PARD3B: variants seen among roughly 807,000 people sequenced by gnomAD.
The protein encoded by PARD3B is par-3 family cell polarity regulator beta.
In PARD3B, 103 loss-of-function variants were observed where a neutral mutation model predicts 130.2. That is an observed-to-expected ratio of 0.79 (90% CI 0.67 to 0.93). PARD3B has a LOEUF of 0.93. PARD3B is among the 40% of genes least tolerant of loss of function. PARD3B has a pLI of 0.00. For synonymous variants in PARD3B, 583 were observed against 553.2 expected (o/e 1.05, Z -0.76); for missense variants, 1,609 against 1,499.2 (o/e 1.07, Z -1.21).
At chr2:204,862,781 G>A (rs1406122839) in intron 2 of PARD3B, among the ~76,000 whole-genome samples, 2 of 152,052 alleles carry the variant, frequency 1.3e-5, no homozygotes, top group East Asian at 3.9e-4. Flanking sequence ...CTTGTCACAC[G>A]ACCAGGAAAG....
intron 10 of PARD3B, among the ~76,000 whole-genome samples, chr2:205,139,751 G>A (rs1166657892): frequency 6.6e-6 from 1 of 151,944 alleles, no homozygotes; most frequent in Non-Finnish European, 1.5e-5. Flanking sequence ...AACTGAGTAT[G>A]ATTTTCATGG....
intron 1 of PARD3B, among the ~76,000 whole-genome samples, chr2:204,558,882 A>G (rs2031114180): frequency 1.3e-5 from 2 of 152,324 alleles, no homozygotes; most frequent in South Asian, 2.1e-4. Flanking sequence ...CTCAGAAATA[A>G]CAACACACAT....
intron 4 of PARD3B, among the ~76,000 whole-genome samples, chr2:205,098,998 A>G (rs985367690): frequency 6.6e-6 from 1 of 152,188 alleles, no homozygotes; most frequent in African/African-American, 2.4e-5. Context: ...TGAGAGCTAC[A>G]TATGATCTGT....
At chr2:205,090,553 C>T (rs1192800763) in intron 4 of PARD3B, among the ~76,000 whole-genome samples, 2 of 152,172 alleles carry the variant, frequency 1.3e-5, no homozygotes, top group Non-Finnish European at 2.9e-5. Flanking sequence ...TATGGTGCTG[C>T]AGTCAGCTTC....
chr2:205,051,045 A>G (rs1051667878), intron 4 of PARD3B, among the ~76,000 whole-genome samples: 1 of 152,178 alleles, frequency 6.6e-6, no homozygotes, highest in Non-Finnish European at 1.5e-5. Flanking sequence ...TCGCTCACTG[A>G]TAAGAGAAGC....
chr2:204,660,128 T>C (rs1004355798), intron 1 of PARD3B, among the ~76,000 whole-genome samples: 14 of 152,300 alleles, frequency 9.2e-5, no homozygotes, highest in African/African-American at 2.9e-4. Flanking sequence ...TTCTTTTTCA[T>C]CTGCTTCCCT....
At chr2:204,880,657 C>CAAAAAAA (rs746023895) in intron 2 of PARD3B, among the ~76,000 whole-genome samples, 9 of 55,438 alleles carry the variant, frequency 1.6e-4, no homozygotes, top group East Asian at 5.1e-4. Context: ...GACTCCATCT[C>CAAAAAAA]AAAAAAAAAA....
chr2:204,995,307 C>T (rs1203724371), intron 3 of PARD3B, among the ~76,000 whole-genome samples: 2 of 150,676 alleles, frequency 1.3e-5, no homozygotes, highest in African/African-American at 4.9e-5. Context: ...ATTTGCTTGT[C>T]TATAAAGTAT....
At position 205,172,255 on chromosome 2, in the gene PARD3B, G is replaced by A; in HGVS notation, c.1665G>A (p.Gly555=). ...RMNDQLIAVN[G]ESLLGKSNHE... ...ATGACCAGCTGATTGCAGTTAATGG[G>A]GAATCTCTTTTGGGAAAGTCCAACC... The change falls in exon 12 of 23, where the codon GGG becomes GGA. Residue 555 remains glycine (G), a synonymous_variant. Transcript: ENST00000406610. 6.2e-7 allele frequency: 1 copy of A among 1,614,106 alleles called. No individual in the cohort carries two copies. Among genetic ancestry groups the A allele is most frequent in the Non-Finnish European group, 8.5e-7 (1 of 1,180,008 alleles).
At chr2:205,400,960 C>T in intron 18 of PARD3B, 53 bp from the exon 19 acceptor site, 1 of 1,332,876 alleles carries the variant, frequency 7.5e-7, no homozygotes, top group Non-Finnish European at 1.1e-6. Context: ...CTTAGCTCTA[C>T]CGCAAAAACA....
chr2:205,486,232 G>C (rs1005511789), intron 20 of PARD3B, among the ~76,000 whole-genome samples: 9 of 152,182 alleles, frequency 5.9e-5, no homozygotes, highest in African/African-American at 1.9e-4. Flanking sequence ...AAGAATCTGA[G>C]CATGTTTTAA....
chr2:205,176,473 A>G lies in PARD3B; in HGVS notation c.1820A>G (p.Lys607Arg), dbSNP rs368676695. 1.9e-4 allele frequency: 312 copies of G among 1,611,198 alleles called. No individual in the cohort carries two copies. Among genetic ancestry groups the G allele is most frequent in the Admixed American group, 3.0e-4 (18 of 59,406 alleles). ...CCTGCAGAGTGTGGGGCATTTTCCA[A>G]GCCATGCTTTGAGAACTGTCAAAAT... ...EDPAECGAFS[K>R]PCFENCQNAV... The change falls in exon 13 of 23, where the codon AAG (lysine) becomes AGG (arginine). Residue 607 changes from lysine to arginine, a missense_variant. Physicochemically the swap from Lys to Arg is conservative, Grantham distance 26. Transcript: ENST00000406610. This position sits in a 1 kb window ranked among gnomAD's most constrained non-coding sequence, Gnocchi z 5.3.
At chr2:205,089,257 G>A (rs994905479) in intron 4 of PARD3B, among the ~76,000 whole-genome samples, 2 of 150,280 alleles carry the variant, frequency 1.3e-5, no homozygotes, top group South Asian at 2.1e-4. Flanking sequence ...TGCGACCTCC[G>A]CCTCCAGAGT....
chr2:205,163,710 T>C (rs1329029661), intron 11 of PARD3B, among the ~76,000 whole-genome samples: 1 of 152,200 alleles, frequency 6.6e-6, no homozygotes, highest in African/African-American at 2.4e-5. Flanking sequence ...TCCAAACTAC[T>C]TAACTCCAGT....
At chr2:205,487,144 C>T (rs2049475562) in intron 20 of PARD3B, among the ~76,000 whole-genome samples, 3 of 152,150 alleles carry the variant, frequency 2.0e-5, no homozygotes, top group African/African-American at 7.2e-5. Flanking sequence ...AATGTATATC[C>T]TTTAACAGTA....
intron 4 of PARD3B, among the ~76,000 whole-genome samples, chr2:205,094,530 G>A (rs534256653): frequency 6.6e-6 from 1 of 151,546 alleles, no homozygotes; most frequent in East Asian, 1.9e-4. Context: ...TTTTCTAAAT[G>A]TACTACCAAA....
chr2:205,139,824 A>G (rs768292326), intron 10 of PARD3B, among the ~76,000 whole-genome samples: 42 of 152,356 alleles, frequency 2.8e-4, no homozygotes, highest in Non-Finnish European at 5.1e-4. Context: ...CAAATAAATC[A>G]TGTGTGTCCT....
At chr2:205,381,222 T>A (rs1199051649) in intron 18 of PARD3B, among the ~76,000 whole-genome samples, 1 of 116,176 alleles carries the variant, frequency 8.6e-6, no homozygotes, top group African/African-American at 3.7e-5. Flanking sequence ...GAATATATAT[T>A]ATATATAATA....
At chr2:205,054,450 T>A (rs1296731463) in intron 4 of PARD3B, among the ~76,000 whole-genome samples, 50 of 82,708 alleles carry the variant, frequency 6.0e-4, no homozygotes, top group Non-Finnish European at 1.2e-3. Context: ...TTTTTTTTTT[T>A]TTTTTTTAAT....
Sources: gnomAD v4.1 joint callset for allele counts (sites outside exome capture counted in the v4.1 genomes callset) on GRCh38, gnomAD v4.1.1 for gene constraint, Gnocchi (gnomAD v3.1) non-coding constraint, MANE v1.5 for transcripts, NCBI Gene and HGNC (gene_info 2026-07-23, HGNC 2026-07-21) for gene names.